The following SEL1L2 variants were observed in gnomAD, a reference collection of about 807,000 sequenced individuals.
SEL1L2 encodes protein sel-1 homolog 2.
In SEL1L2, 89 loss-of-function variants were observed where a neutral mutation model predicts 98.8. The observed-to-expected ratio is 0.90, with a 90% CI of 0.76 to 1.07. SEL1L2 has a LOEUF of 1.07. SEL1L2 is among the 50% of genes least tolerant of loss of function. SEL1L2 has a pLI of 0.00. For synonymous variants in SEL1L2, 262 were observed against 278.5 expected (o/e 0.94, Z 0.59); for missense variants, 788 against 812.0 (o/e 0.97, Z 0.36).
intron 4 of SEL1L2, among the ~76,000 whole-genome samples, chr20:13,916,748 G>A (rs1660111923): frequency 6.6e-6 from 1 of 152,164 alleles, no homozygotes; most frequent in Non-Finnish European, 1.5e-5. Context: ...GGAGGCTGCA[G>A]TGAGCTGAGA....
intron 1 of SEL1L2, among the ~76,000 whole-genome samples, chr20:13,989,054 T>C (rs2052403944): frequency 6.6e-6 from 1 of 152,188 alleles, no homozygotes; most frequent in Admixed American, 6.5e-5. Context: ...TTGTGTTGAA[T>C]ATGTAGATCA....
chr20:13,961,229 C>A (rs1290037743), intron 1 of SEL1L2, among the ~76,000 whole-genome samples: 1 of 152,180 alleles, frequency 6.6e-6, no homozygotes, highest in South Asian at 2.1e-4. Context: ...AAAGGATTCA[C>A]AATAGGTTGA....
chr20:13,860,458 G>T (rs374318969), intron 17 of SEL1L2, among the ~76,000 whole-genome samples: 1 of 152,108 alleles, frequency 6.6e-6, no homozygotes, highest in Non-Finnish European at 1.5e-5. Context: ...CTTACCCGAC[G>T]TCTGAGCAGC....
At chr20:13,888,635 CTTTTTTT>C (rs71188192) in intron 5 of SEL1L2, 123 bp from the exon 6 acceptor site, 2 of 203,632 alleles carry the variant, frequency 9.8e-6, no homozygotes, top group Non-Finnish European at 1.6e-5. Flanking sequence ...CTTTCTTTCT[CTTTTTTT>C]TTTTTTTTTT....
intron 1 of SEL1L2, among the ~76,000 whole-genome samples, chr20:13,964,119 C>T (rs1288930859): frequency 1.3e-5 from 2 of 152,100 alleles, no homozygotes; most frequent in Admixed American, 6.6e-5. Context: ...CATGATCCAC[C>T]CGCCTCGGCC....
At chr20:13,869,113 C>G (rs1031805411) in intron 14 of SEL1L2, among the ~76,000 whole-genome samples, 3 of 152,074 alleles carry the variant, frequency 2.0e-5, no homozygotes, top group Non-Finnish European at 2.9e-5. Context: ...CTACCATGGC[C>G]CACTGCTCTT....
intron 5 of SEL1L2, among the ~76,000 whole-genome samples, chr20:13,893,765 G>C (rs2065184906): frequency 6.6e-6 from 1 of 152,138 alleles, no homozygotes; most frequent in South Asian, 2.1e-4. Context: ...CTCCAAGATA[G>C]ATCATATTTT....
At chr20:13,894,465 C>A (rs1242117851) in intron 5 of SEL1L2, among the ~76,000 whole-genome samples, 1 of 152,142 alleles carries the variant, frequency 6.6e-6, no homozygotes, top group African/African-American at 2.4e-5. Flanking sequence ...GAGGCTGAGG[C>A]AGGAGAATCA....
chr20:13,919,014 G>A lies in SEL1L2; in HGVS notation c.386+7C>T, dbSNP rs1216249368. On this transcript the variant is annotated splice_region_variant and intron_variant, in intron 4 of 19. Transcript: ENST00000284951. ...AACTTGGCTAAGGTCACTGGATAAA[G>A]ACTTACTCTTCTTTTTGTTTTTGGC... is the stretch of plus-strand genomic sequence containing the variant. 1 of 1,593,346 alleles carries A rather than the reference G, an allele frequency of 6.3e-7. No individual in the cohort carries two copies. The highest frequency in any genetic ancestry group is 1.7e-5 in the Admixed American group (1 of 58,996).
chr20:13,851,685 GCCAGTC>G (rs953078829), intron 18 of SEL1L2, among the ~76,000 whole-genome samples: 8 of 152,078 alleles, frequency 5.3e-5, no homozygotes, highest in African/African-American at 1.9e-4. Flanking sequence ...AGTGCCCTGG[GCCAGTC>G]CCAGAATTAG....
intron 1 of SEL1L2, among the ~76,000 whole-genome samples, chr20:13,956,611 A>G (rs962703676): frequency 2.6e-5 from 4 of 152,174 alleles, no homozygotes; most frequent in African/African-American, 9.6e-5. Flanking sequence ...AGAAATGTAG[A>G]CTGATAATTA....
intron 3 of SEL1L2, among the ~76,000 whole-genome samples, chr20:13,922,956 A>G (rs1184271275): frequency 6.6e-6 from 1 of 152,194 alleles, no homozygotes; most frequent in Non-Finnish European, 1.5e-5. Flanking sequence ...AGAGCTTTAT[A>G]GGGTGGATGG....
intron 18 of SEL1L2, among the ~76,000 whole-genome samples, chr20:13,858,164 A>G (rs1248491378): frequency 6.6e-6 from 1 of 152,210 alleles, no homozygotes; most frequent in Non-Finnish European, 1.5e-5. Flanking sequence ...CCGCTGAATA[A>G]GAAGCCCTTG....
intron 11 of SEL1L2, 141 bp downstream of exon 11, chr20:13,877,378 GC>G: frequency 1.7e-6 from 1 of 589,518 alleles, no homozygotes. Context: ...TTGCCGTGTT[GC>G]CCAGGCTGGT....
At chr20:13,857,043 G>A (rs1989280592) in intron 18 of SEL1L2, among the ~76,000 whole-genome samples, 1 of 152,176 alleles carries the variant, frequency 6.6e-6, no homozygotes, top group Non-Finnish European at 1.5e-5. Context: ...ATAGCACCTT[G>A]TAAATTTGAC....
At chr20:13,894,103 A>C (rs1026274778) in intron 5 of SEL1L2, among the ~76,000 whole-genome samples, 9 of 152,314 alleles carry the variant, frequency 5.9e-5, no homozygotes, top group African/African-American at 2.2e-4. Context: ...AAGATCTCAA[A>C]TAAACAACCT....
intron 8 of SEL1L2, 73 bp downstream of exon 8, chr20:13,887,696 G>T (rs115324191): frequency 0.027 from 25,349 of 924,252 alleles, 434 homozygotes; most frequent in African/African-American, 0.045. Flanking sequence ...TATATCAATT[G>T]AACTGTTATT....
chr20:13,947,409 GTGTTCA>G (rs1303273994), intron 2 of SEL1L2, among the ~76,000 whole-genome samples: 1 of 152,106 alleles, frequency 6.6e-6, no homozygotes, highest in Non-Finnish European at 1.5e-5. Context: ...AGTAAGAGCT[GTGTTCA>G]TCAGGACCAC....
chr20:13,913,618 C>A (rs534169795), intron 5 of SEL1L2, 164 bp downstream of exon 5: 3 of 511,592 alleles, frequency 5.9e-6, no homozygotes, highest in Non-Finnish European at 6.4e-6. Context: ...GAGGCTTCTG[C>A]TGTACTCCTG....
Sources: allele counts gnomAD v4.1 joint callset (sites outside exome capture counted in the v4.1 genomes callset), GRCh38; gene constraint gnomAD v4.1.1; transcripts MANE v1.5; gene names NCBI Gene and HGNC (gene_info 2026-07-23, HGNC 2026-07-21).